IGSF11: variants seen among roughly 807,000 people sequenced by gnomAD.
IGSF11 encodes the protein immunoglobulin superfamily member 11.
In IGSF11, 22 loss-of-function variants were observed where a neutral mutation model predicts 41.0. The ratio of observed to expected loss-of-function variants is 0.54; its 90% CI spans 0.38 to 0.77. The LOEUF is 0.77. IGSF11 is among the 30% of genes least tolerant of loss of function. IGSF11 has a pLI of 0.00. For synonymous variants in IGSF11, 219 were observed against 201.3 expected, an observed-to-expected ratio of 1.09 and a Z score of -0.74; for missense variants, 444 against 530.8, an observed-to-expected ratio of 0.84 and a Z score of 1.61.
At chr3:118,915,230 C>G (rs895910447) in intron 4 of IGSF11, among the ~76,000 whole-genome samples, 4 of 140,926 alleles carry the variant, frequency 2.8e-5, no homozygotes, top group East Asian at 2.0e-4. Flanking sequence ...CAGTTCCTCA[C>G]CAGCAATGGA....
At chr3:119,003,601 G>T (rs1389332720) in intron 1 of IGSF11, among the ~76,000 whole-genome samples, 2 of 151,102 alleles carry the variant, frequency 1.3e-5, no homozygotes, top group Non-Finnish European at 2.9e-5. Flanking sequence ...CTGTGGGTTT[G>T]TTATAGATAG....
chr3:119,070,927 T>C (rs2107466274), intron 1 of IGSF11, among the ~76,000 whole-genome samples: 1 of 152,328 alleles, frequency 6.6e-6, no homozygotes, highest in East Asian at 1.9e-4. Flanking sequence ...ATCACAGAGA[T>C]TATTTTTCCT....
chr3:119,048,769 T>G (rs1941483787), intron 1 of IGSF11, among the ~76,000 whole-genome samples: 1 of 151,934 alleles, frequency 6.6e-6, no homozygotes, highest in Non-Finnish European at 1.5e-5. Flanking sequence ...GCAAACCGAA[T>G]CCAGCAGCAC....
intron 1 of IGSF11, among the ~76,000 whole-genome samples, chr3:119,056,193 T>C (rs1354259478): frequency 6.6e-6 from 1 of 152,034 alleles, no homozygotes; most frequent in African/African-American, 2.4e-5. Context: ...GCTGGTTTTT[T>C]GAAAAGATCA....
intron 1 of IGSF11, among the ~76,000 whole-genome samples, chr3:119,032,581 C>A (rs1940510768): frequency 6.6e-6 from 1 of 152,192 alleles, no homozygotes; most frequent in African/African-American, 2.4e-5. Flanking sequence ...GCAGCTTGGC[C>A]TTTCAAGAGT....
chr3:119,059,179 T>TCACACACACA (rs144416307), intron 1 of IGSF11, among the ~76,000 whole-genome samples: 754 of 147,946 alleles, frequency 5.1e-3, no homozygotes, highest in South Asian at 8.9e-3. Context: ...TATACACAGA[T>TCACACACACA]CACACACACA....
chr3:118,922,154 T>C (rs569842690), intron 4 of IGSF11, among the ~76,000 whole-genome samples: 2 of 152,230 alleles, frequency 1.3e-5, no homozygotes, highest in East Asian at 3.9e-4. Context: ...ATTCCATAAA[T>C]GCAGGGATGT....
At chr3:119,140,879 A>G (rs983918167) in intron 1 of IGSF11, among the ~76,000 whole-genome samples, 4 of 149,298 alleles carry the variant, frequency 2.7e-5, no homozygotes, top group Non-Finnish European at 5.9e-5. Context: ...CCCCATCTCT[A>G]CTAAAAATAC....
chr3:119,039,481 G>C (rs1219649676), upstream of IGSF11, among the ~76,000 whole-genome samples: 1 of 152,166 alleles, frequency 6.6e-6, no homozygotes, highest in Non-Finnish European at 1.5e-5. Context: ...CTCATTTCCA[G>C]ATCAGTTGAA....
chr3:118,984,665 T>C (rs1935079341), intron 1 of IGSF11, among the ~76,000 whole-genome samples: 5 of 152,108 alleles, frequency 3.3e-5, no homozygotes, highest in Admixed American at 3.3e-4. Context: ...TAAATCTCAA[T>C]ATTGACAAGA....
At chr3:119,065,529 A>G (rs1942197889) in intron 1 of IGSF11, among the ~76,000 whole-genome samples, 1 of 152,182 alleles carries the variant, frequency 6.6e-6, no homozygotes, top group Non-Finnish European at 1.5e-5. Context: ...GCAGTGGCAC[A>G]CGCCTGTAAT....
intron 1 of IGSF11, among the ~76,000 whole-genome samples, chr3:118,959,756 C>T (rs947071115): frequency 6.6e-6 from 1 of 152,068 alleles, no homozygotes; most frequent in African/African-American, 2.4e-5. Context: ...TGGTAAGAAA[C>T]AACAAATGTG....
At chr3:119,125,138 C>G (rs2077385689) in intron 1 of IGSF11, among the ~76,000 whole-genome samples, 1 of 152,188 alleles carries the variant, frequency 6.6e-6, no homozygotes, top group Non-Finnish European at 1.5e-5. Context: ...CAATACCAGA[C>G]CTGGTTCTAT....
intron 1 of IGSF11, among the ~76,000 whole-genome samples, chr3:118,963,026 ATGAT>A (rs1305762194): frequency 6.6e-6 from 1 of 152,156 alleles, no homozygotes; most frequent in Non-Finnish European, 1.5e-5. Context: ...GCTGACACAG[ATGAT>A]TGGACAATTA....
chr3:119,069,304 T>G (rs1279640454), intron 1 of IGSF11, among the ~76,000 whole-genome samples: 1 of 152,084 alleles, frequency 6.6e-6, no homozygotes, highest in Admixed American at 6.6e-5. Context: ...GGTTGGTAAT[T>G]AGACCACAAA....
At chr3:119,044,755 T>G (rs960620426) in intron 1 of IGSF11, among the ~76,000 whole-genome samples, 1 of 152,220 alleles carries the variant, frequency 6.6e-6, no homozygotes, top group Non-Finnish European at 1.5e-5. Flanking sequence ...ATCTGTAGCC[T>G]TCTTAAACAA....
intron 1 of IGSF11, among the ~76,000 whole-genome samples, chr3:118,933,470 T>TTATATATATATATATATATATATA (rs1553754813): frequency 6.8e-6 from 1 of 146,148 alleles, no homozygotes; most frequent in Admixed American, 6.9e-5. Context: ...CATGTATTTT[T>TTATATATATATATATATATATATA]TATATATATA....
intron 1 of IGSF11, among the ~76,000 whole-genome samples, chr3:118,974,751 C>CGG (rs202060621): frequency 0.012 from 1,789 of 152,214 alleles, 36 homozygotes; most frequent in African/African-American, 0.04. Context: ...AGGTTTCCAC[C>CGG]ATATCACTAT....
At chr3:119,042,362 T>C (rs985600425) in intron 1 of IGSF11, among the ~76,000 whole-genome samples, 1 of 152,032 alleles carries the variant, frequency 6.6e-6, no homozygotes, top group African/African-American at 2.4e-5. Context: ...GCAGGGAGGG[T>C]TGTAGCCTTG....
Sources: allele counts gnomAD v4.1 joint callset (sites outside exome capture counted in the v4.1 genomes callset), GRCh38; gene constraint gnomAD v4.1.1; transcripts MANE v1.5; gene names NCBI Gene and HGNC (gene_info 2026-07-23, HGNC 2026-07-21).